The following PTPRR variants were observed in gnomAD, a reference collection of about 807,000 sequenced individuals.
The protein encoded by PTPRR is protein tyrosine phosphatase receptor type R, also known as receptor-type tyrosine-protein phosphatase R.
PTPRR carries 38 observed loss-of-function variants against 77.2 expected under a neutral mutation model. The observed-to-expected ratio is 0.49, with a 90% CI of 0.38 to 0.65. PTPRR has a LOEUF of 0.65. PTPRR is among the 30% of genes least tolerant of loss of function. PTPRR has a pLI of 0.00. For missense variants in PTPRR, 744 were observed against 799.2 expected (o/e 0.93, Z 0.83); for synonymous variants, 299 against 283.1 (o/e 1.06, Z -0.57).
intron 2 of PTPRR, among the ~76,000 whole-genome samples, chr12:70,774,046 T>C (rs1246318814): frequency 6.6e-6 from 1 of 152,196 alleles, no homozygotes; most frequent in Non-Finnish European, 1.5e-5. Context: ...CTTCCTTTCA[T>C]CCGTGGCCTG....
Position 70,662,528 on chromosome 12 carries a change from A to C in PTPRR, c.1575T>G (p.Cys525Trp), listed in dbSNP as rs754294091. The change falls in exon 11 of 14, where the codon TGT (cysteine) becomes TGG (tryptophan). Residue 525 changes from cysteine to tryptophan, a missense_variant. Coordinates refer to ENST00000283228, the MANE Select transcript of PTPRR (RefSeq NM_002849.4). The part of the protein sequence containing the change: ...VEVLVISVNE[C>W]DNYTIRNLVL... ...CAAGGTTTCGAATGGTGTAGTTATC[A>C]CATTCATTTACACTGATAACCAGAA... is the stretch of plus-strand genomic sequence containing the variant. 18 of 1,610,868 alleles carry C rather than the reference A, an allele frequency of 1.1e-5. No individual in the cohort carries two copies. The highest frequency in any genetic ancestry group is 1.5e-5 in the Non-Finnish European group (18 of 1,177,734).
chr12:70,659,979 C>T (rs1166965788), intron 12 of PTPRR, among the ~76,000 whole-genome samples: 1 of 151,686 alleles, frequency 6.6e-6, no homozygotes, highest in Non-Finnish European at 1.5e-5. Flanking sequence ...AGTTTGAGAC[C>T]AGCCTGGCCA....
At chr12:70,888,010 A>ATGTTTGTATGTGTG (rs1893270153) in intron 2 of PTPRR, among the ~76,000 whole-genome samples, 2 of 49,982 alleles carry the variant, frequency 4.0e-5, no homozygotes, top group African/African-American at 2.6e-4. Flanking sequence ...GCAGTCGTGA[A>ATGTTTGTATGTGTG]TGTGTGTATG....
At chr12:70,916,336 T>C (rs983107977) in intron 1 of PTPRR, among the ~76,000 whole-genome samples, 1 of 151,362 alleles carries the variant, frequency 6.6e-6, no homozygotes, top group Non-Finnish European at 1.5e-5. Context: ...TGGAGAGAGG[T>C]AAAAAAAGAA....
intron 6 of PTPRR, among the ~76,000 whole-genome samples, chr12:70,723,132 A>G (rs1247665111): frequency 6.6e-6 from 1 of 152,164 alleles, no homozygotes; most frequent in Non-Finnish European, 1.5e-5. Context: ...AGCAAGCACA[A>G]TCAACATCTG....
At chr12:70,840,479 G>A (rs1892377626) in intron 2 of PTPRR, among the ~76,000 whole-genome samples, 1 of 152,132 alleles carries the variant, frequency 6.6e-6, no homozygotes, top group South Asian at 2.1e-4. Flanking sequence ...GCAGTTCCCA[G>A]GAACTAGGAT....
At chr12:70,673,899 C>T (rs575679021) in intron 10 of PTPRR, among the ~76,000 whole-genome samples, 1 of 152,034 alleles carries the variant, frequency 6.6e-6, no homozygotes, top group Admixed American at 6.5e-5. Context: ...TTTTATTAGA[C>T]TTCAAAAAAT....
intron 6 of PTPRR, 89 bp downstream of exon 6, chr12:70,745,729 T>C: frequency 7.1e-7 from 1 of 1,413,332 alleles, no homozygotes; most frequent in Non-Finnish European, 9.6e-7. Flanking sequence ...TACCCAATTA[T>C]GTCAATCATT....
chr12:70,662,130 G>A (rs2136675171), intron 11 of PTPRR, among the ~76,000 whole-genome samples: 1 of 151,944 alleles, frequency 6.6e-6, no homozygotes, highest in African/African-American at 2.4e-5. Flanking sequence ...CAGCTTCCAG[G>A]CCTTACGCAA....
chr12:70,707,928 C>A (rs1592692291), intron 6 of PTPRR, among the ~76,000 whole-genome samples: 1 of 152,002 alleles, frequency 6.6e-6, no homozygotes, highest in South Asian at 2.1e-4. Flanking sequence ...AAGATGCTTC[C>A]TAATCTATCT....
intron 2 of PTPRR, among the ~76,000 whole-genome samples, chr12:70,854,228 C>G (rs567071640): frequency 3.9e-5 from 6 of 152,294 alleles, no homozygotes; most frequent in African/African-American, 1.4e-4. Flanking sequence ...TCACATTCAA[C>G]TTCTGTGTGT....
At chr12:70,683,942 TGAAA>T (rs1417965991) in intron 10 of PTPRR, among the ~76,000 whole-genome samples, 181 bp downstream of exon 10, 1 of 152,248 alleles carries the variant, frequency 6.6e-6, no homozygotes, top group Non-Finnish European at 1.5e-5. Flanking sequence ...TTGACTTGTC[TGAAA>T]GAAAGTTGAC....
At position 70,761,539 on chromosome 12, in the gene PTPRR, G is replaced by C. The variant is rs905718588; in HGVS notation, c.559C>G (p.Arg187Gly). 6.2e-7 allele frequency: 1 copy of C among 1,612,352 alleles called. No homozygotes were observed. The highest frequency in any genetic ancestry group is 8.5e-7 in the Non-Finnish European group (1 of 1,179,026). Residue 187 changes from arginine (R) to glycine (G), a missense_variant, in exon 4 of 14, where the codon CGT becomes GGT. Coordinates refer to ENST00000283228, the MANE Select transcript of PTPRR (RefSeq NM_002849.4). ...TGCAAAACATTGATATTAAGTGAAC[G>C]AAGAACTTCCTCAGAGGGCAGAGCA... ...SDALPSEEVL[R>G]SLNINVLHQS... is the part of the protein sequence containing the mutation.
intron 13 of PTPRR, among the ~76,000 whole-genome samples, chr12:70,647,752 C>CT (rs1886252436): frequency 6.6e-6 from 1 of 151,974 alleles, no homozygotes; most frequent in Admixed American, 6.6e-5. Flanking sequence ...TGTTATGGAT[C>CT]TTTTTTTCAA....
At chr12:70,715,024 A>AT (rs34140284) in intron 6 of PTPRR, among the ~76,000 whole-genome samples, 42,208 of 150,540 alleles carry the variant, frequency 0.28, 6,402 homozygotes, top group South Asian at 0.45. Flanking sequence ...TGCCAAAATA[A>AT]TTTTTTTTTT....
rs564283926 is a variant in PTPRR, at chr12:70,662,414, A to G, written c.1608+81T>C. 210 of 705,984 alleles carry G rather than the reference A, an allele frequency of 3.0e-4. 2 individuals carry two copies. The South Asian group carries it at 3.8e-3, about 13-fold the overall frequency. The allele number at this position is 705,984 out of a possible 1,614,324, so 43.7% of individuals were successfully genotyped here. A position where few individuals can be genotyped will look rare whatever the true frequency, so the allele number is the denominator to read the frequency against. ...TTTAATTTGCTTAAATTGCATTTGT[A>G]GTACTTAAATAATTTCAAAGTAGAA... On this transcript the variant is annotated intron_variant, in intron 11 of 13. Transcript: ENST00000283228.
intron 2 of PTPRR, among the ~76,000 whole-genome samples, chr12:70,863,112 A>T (rs555302465): frequency 5.9e-5 from 9 of 152,298 alleles, no homozygotes; most frequent in African/African-American, 2.2e-4. Context: ...AGACACTTAT[A>T]ATACGTAATA....
intron 1 of PTPRR, among the ~76,000 whole-genome samples, chr12:70,904,066 C>A (rs143128385): frequency 6.6e-6 from 1 of 151,718 alleles, no homozygotes; most frequent in Non-Finnish European, 1.5e-5. Context: ...ACTAATAATA[C>A]TGGAGAGGAT....
At chr12:70,723,907 A>G (rs1397235326) in intron 6 of PTPRR, among the ~76,000 whole-genome samples, 1 of 152,202 alleles carries the variant, frequency 6.6e-6, no homozygotes, top group Non-Finnish European at 1.5e-5. Context: ...AGGCATGTCT[A>G]TAAATTAAGG....
Sources: gnomAD v4.1 joint callset for allele counts (sites outside exome capture counted in the v4.1 genomes callset) on GRCh38, gnomAD v4.1.1 for gene constraint, MANE v1.5 for transcripts, NCBI Gene and HGNC (gene_info 2026-07-23, HGNC 2026-07-21) for gene names.